The following SLC25A48 variants were observed in gnomAD, a reference collection of about 807,000 sequenced individuals.
The protein encoded by SLC25A48 is CTC-321K16.1.
Under a neutral mutation model 32.2 loss-of-function variants are expected in SLC25A48, and 29 were observed. The ratio of observed to expected loss-of-function variants is 0.90; its 90% CI spans 0.67 to 1.23. The LOEUF (loss-of-function observed/expected upper bound fraction) is 1.23, where lower values mean the gene tolerates loss of function less well. Ranked by LOEUF, SLC25A48 falls within the 50% of genes most tolerant of loss-of-function variation. The probability of loss-of-function intolerance (pLI) is 0.00; values close to 1 mark genes in which losing one functional copy is unlikely to be tolerated. For missense variants in SLC25A48, 399 were observed against 422.7 expected, an observed-to-expected ratio of 0.94 and a Z score of 0.49; for synonymous variants, 164 against 172.3, an observed-to-expected ratio of 0.95 and a Z score of 0.38.
chr5:135,652,528 C>A (rs925506633), intron 3 of SLC25A48: 4 of 428,768 alleles, frequency 9.3e-6, no homozygotes, highest in Non-Finnish European at 1.9e-5. Context: ...ACTATATACC[C>A]CATTAACTGG....
chr5:135,870,528 G>A (rs1049961499), intron 4 of SLC25A48, among the ~76,000 whole-genome samples: 1 of 152,168 alleles, frequency 6.6e-6, no homozygotes, highest in African/African-American at 2.4e-5. Flanking sequence ...ATAGACTACT[G>A]AGGTTAGACA....
chr5:135,887,891 A>G (rs928082321), intron 7 of SLC25A48, 141 bp from the exon 8 acceptor site: 13 of 770,838 alleles, frequency 1.7e-5, no homozygotes, highest in Non-Finnish European at 2.6e-5. Flanking sequence ...AGCTTCCACA[A>G]GAATCAAGTG....
At chr5:135,787,865 A>G (rs1756889637) in intron 3 of SLC25A48, among the ~76,000 whole-genome samples, 1 of 151,848 alleles carries the variant, frequency 6.6e-6, no homozygotes, top group African/African-American at 2.4e-5. Context: ...TTTTACTCCT[A>G]ATGTCACAAA....
At chr5:135,770,561 C>A (rs916825927) in intron 3 of SLC25A48, among the ~76,000 whole-genome samples, 1 of 151,554 alleles carries the variant, frequency 6.6e-6, no homozygotes, top group Non-Finnish European at 1.5e-5. Flanking sequence ...TGATGTTACC[C>A]CAATATGGCA....
Position 135,651,810 on chromosome 5 carries a change from TA to T in SLC25A48, c.-521+16855del, listed in dbSNP as rs375420510. Among the ~76,000 whole-genome samples the T allele has an allele frequency of 6.9e-4, 105 of 152,326 alleles. 3 individuals carry two copies. In the East Asian group the frequency reaches 0.019, roughly 28 times the overall value. ...GAAATGAAAGATAGAAGTATGGATC[TA>T]CATAGATTTATAGGTAGTTGCTAAT... is the stretch of plus-strand genomic sequence containing the variant. On this transcript the variant is annotated intron_variant, in intron 3 of 10. Transcript: ENST00000646290.
chr5:135,851,267 C>T (rs1759834810), intron 3 of SLC25A48, among the ~76,000 whole-genome samples: 1 of 152,174 alleles, frequency 6.6e-6, no homozygotes. Flanking sequence ...TGAAGTGTGT[C>T]TTGCGTCAGG....
chr5:135,770,873 G>T (rs928297751), intron 3 of SLC25A48, among the ~76,000 whole-genome samples: 2 of 151,762 alleles, frequency 1.3e-5, no homozygotes, highest in Admixed American at 1.3e-4. Context: ...ATTGCAGGGG[G>T]TTTACACCCC....
chr5:135,709,391 T>G (rs1186257410), intron 3 of SLC25A48, among the ~76,000 whole-genome samples: 1 of 152,234 alleles, frequency 6.6e-6, no homozygotes, highest in African/African-American at 2.4e-5. Flanking sequence ...AGAGCCCTGT[T>G]GGAGGCCAGT....
chr5:135,872,104 A>C (rs1282283525), intron 5 of SLC25A48: 1 of 897,930 alleles, frequency 1.1e-6, no homozygotes, highest in Non-Finnish European at 1.5e-6. Flanking sequence ...ACAGATGAGA[A>C]AACTCAGGTC....
intron 4 of SLC25A48, among the ~76,000 whole-genome samples, chr5:135,829,528 T>C (rs1489855088): frequency 6.6e-6 from 1 of 151,982 alleles, no homozygotes. Context: ...AAAGAAAGGA[T>C]AGAGGGCAGC....
chr5:135,786,358 A>T (rs925477373), intron 3 of SLC25A48, among the ~76,000 whole-genome samples: 2 of 151,806 alleles, frequency 1.3e-5, no homozygotes, highest in African/African-American at 4.8e-5. Context: ...GTGGGGTTTT[A>T]TGCAGTATCT....
chr5:135,592,013 T>TGAGAACCACAAAGCTCTGTGGTTCTCAAA (rs1751538818), intron 1 of SLC25A48, among the ~76,000 whole-genome samples: 2 of 152,086 alleles, frequency 1.3e-5, no homozygotes, highest in Non-Finnish European at 2.9e-5. Flanking sequence ...GAAAGGCCTT[T>TGAGAACCACAAAGCTCTGTGGTTCTCAAA]GAGAACCACA....
At chr5:135,587,389 T>C (rs1751393071) in intron 1 of SLC25A48, among the ~76,000 whole-genome samples, 1 of 152,234 alleles carries the variant, frequency 6.6e-6, no homozygotes, top group African/African-American at 2.4e-5. Flanking sequence ...TGAAAAAATG[T>C]AATGCACAGA....
At chr5:135,706,235 G>T (rs926627198) in intron 3 of SLC25A48, among the ~76,000 whole-genome samples, 1 of 152,146 alleles carries the variant, frequency 6.6e-6, no homozygotes, top group African/African-American at 2.4e-5. Flanking sequence ...GAGCCTCCAG[G>T]ACTCCTGGTG....
chr5:135,752,605 G>A (rs918943591), intron 3 of SLC25A48, among the ~76,000 whole-genome samples: 16 of 152,070 alleles, frequency 1.1e-4, no homozygotes, highest in African/African-American at 2.9e-4. Context: ...AATATCACAA[G>A]GTATACACAC....
At position 135,712,802 on chromosome 5, in the gene SLC25A48, G is replaced by A. The variant is rs1031296181; in HGVS notation, c.-521+77846G>A. Among the ~76,000 whole-genome samples the A allele has an allele frequency of 7.5e-4, 114 of 152,322 alleles. 1 individual carries two copies. Among genetic ancestry groups the A allele is most frequent in the Non-Finnish European group, 1.3e-4 (9 of 68,032 alleles). On this transcript the variant is annotated intron_variant, in intron 3 of 10. Coordinates refer to the SLC25A48 transcript ENST00000646290. The stretch of plus-strand genomic sequence containing the variant: ...AAAGCATTCTAGACATGACTGAGGA[G>A]CACATGAAGTATGTTTACCTGTTCC...
intron 4 of SLC25A48, among the ~76,000 whole-genome samples, chr5:135,854,132 C>T (rs984515601): frequency 2.6e-5 from 4 of 152,228 alleles, no homozygotes; most frequent in African/African-American, 7.2e-5. Context: ...GATGTGCTGT[C>T]ATCCAGGCCT....
intron 3 of SLC25A48, among the ~76,000 whole-genome samples, chr5:135,642,487 G>C (rs1402358514): frequency 6.6e-6 from 1 of 152,210 alleles, no homozygotes; most frequent in African/African-American, 2.4e-5. Context: ...GGCTCAAAGA[G>C]GTCTACAGCA....
Position 135,857,544 on chromosome 5 carries a change from G to T in SLC25A48, c.421+4723G>T, listed in dbSNP as rs573183169. On this transcript the variant is annotated intron_variant, in intron 4 of 7. Transcript: ENST00000681962. ...CTGTTCACGTATCTCCAAGATGATA[G>T]TTATGCACCTACTGGGTGCCAGGCA... Among the ~76,000 whole-genome samples the T allele has an allele frequency of 9.8e-5, 15 of 152,352 alleles. No homozygotes were observed. In the Middle Eastern group the frequency reaches 0.01, roughly 104 times the overall value.
Sources: allele counts gnomAD v4.1 joint callset (sites outside exome capture counted in the v4.1 genomes callset), GRCh38; gene constraint gnomAD v4.1.1; transcripts MANE v1.5; gene names NCBI Gene and HGNC (gene_info 2026-07-23, HGNC 2026-07-21).